NUP153: variants seen among roughly 807,000 people sequenced by gnomAD.
NUP153 encodes the protein nuclear pore complex protein Nup153.
A neutral mutation model predicts 134.6 loss-of-function variants in NUP153; 27 were observed. That is an observed-to-expected ratio of 0.20 (90% confidence interval 0.15 to 0.28). The LOEUF (loss-of-function observed/expected upper bound fraction) is 0.28, where lower values mean the gene tolerates loss of function less well. Among genes scored for constraint, NUP153 ranks in the 10% least tolerant of loss-of-function variants. NUP153 has a pLI of 1.00. For missense variants in NUP153, 1,821 were observed against 1,731.3 expected (o/e 1.05, Z -0.92); for synonymous variants, 640 against 623.5 (o/e 1.03, Z -0.40).
intron 12 of NUP153, 28 bp downstream of exon 12, chr6:17,649,135 C>A: frequency 6.4e-7 from 1 of 1,565,010 alleles, no homozygotes; most frequent in South Asian, 1.2e-5. Context: ...GAACAAATGT[C>A]ACCTGTATTT....
chr6:17,617,583 G>A lies in NUP153; in HGVS notation c.4175-888C>T, dbSNP rs981251200. ...TATCAGTGGGTGCAGTGACTCATGC[G>A]TATAATCCTAGCACTTTGGGAGGCC... On this transcript the variant is annotated intron_variant, in intron 20 of 21. Coordinates refer to ENST00000262077, the MANE Select transcript of NUP153 (RefSeq NM_005124.4). Among the ~76,000 whole-genome samples, 6 of 151,916 alleles carry A rather than the reference G, an allele frequency of 3.9e-5. No individual in the cohort carries two copies. In the South Asian group the frequency reaches 6.2e-4, roughly 16 times the overall value.
At chr6:17,634,100 T>TCATGAACC (rs1231691505) in intron 16 of NUP153, among the ~76,000 whole-genome samples, 1 of 152,064 alleles carries the variant, frequency 6.6e-6, no homozygotes, top group Non-Finnish European at 1.5e-5. Context: ...CTATTCTGGT[T>TCATGAACC]CATGAACCCC....
At chr6:17,646,295 C>T in intron 13 of NUP153, 141 bp from the exon 14 acceptor site, 1 of 452,350 alleles carries the variant, frequency 2.2e-6, no homozygotes, top group Non-Finnish European at 4.0e-6. Flanking sequence ...GCAACCTCCG[C>T]CTCCCGGGTT....
chr6:17,643,200 C>T (rs1253884593), intron 14 of NUP153, among the ~76,000 whole-genome samples: 7 of 152,202 alleles, frequency 4.6e-5, no homozygotes, highest in South Asian at 2.1e-4. Context: ...AGGCTGGACG[C>T]GGTGGCTCAC....
intron 1 of NUP153, among the ~76,000 whole-genome samples, chr6:17,691,257 T>G (rs1168663257): frequency 1.3e-5 from 2 of 152,206 alleles, no homozygotes; most frequent in East Asian, 3.9e-4. Context: ...ATCAAACACA[T>G]GAAGCCAAGT....
At chr6:17,697,190 C>T (rs1370922284) in intron 1 of NUP153, among the ~76,000 whole-genome samples, 1 of 152,114 alleles carries the variant, frequency 6.6e-6, no homozygotes, top group Non-Finnish European at 1.5e-5. Flanking sequence ...AGAATGTGAA[C>T]TGGCTAAATC....
At chr6:17,632,324 AAAAC>A (rs150960390) in intron 17 of NUP153, among the ~76,000 whole-genome samples, 30,908 of 149,620 alleles carry the variant, frequency 0.21, 3,848 homozygotes, top group Non-Finnish European at 0.28. Context: ...AACAAACAAA[AAAAC>A]AAACAAACAA....
chr6:17,622,609 T>A (rs1432277185), intron 20 of NUP153, among the ~76,000 whole-genome samples: 2 of 152,202 alleles, frequency 1.3e-5, no homozygotes, highest in Non-Finnish European at 2.9e-5. Context: ...TGTAGCCTTT[T>A]CTCAATTCTT....
At chr6:17,698,886 AAACTC>A in intron 1 of NUP153, among the ~76,000 whole-genome samples, 1 of 152,126 alleles carries the variant, frequency 6.6e-6, no homozygotes, top group East Asian at 1.9e-4. Flanking sequence ...AAAAAAAAGA[AAACTC>A]AATAAAAGCT....
At position 17,623,129 on chromosome 6, in the gene NUP153, C is replaced by CAA. The variant is rs71002235; in HGVS notation, c.4174+1430_4174+1431dup. 2.9e-3 allele frequency among the ~76,000 whole-genome samples: 210 copies of CAA among 72,998 alleles called. 1 individual carries two copies. The highest frequency in any genetic ancestry group is 0.014 in the Admixed American group (97 of 7,022). 47.9% of individuals were successfully genotyped at this position (72,998 alleles called of 152,430 possible). On this transcript the variant is annotated intron_variant, in intron 20 of 21. Coordinates refer to ENST00000262077, the MANE Select transcript of NUP153 (RefSeq NM_005124.4). ...TGGGCGACACAGTGAGATTCTGTCT[C>CAA]AAAAAAAAAAAAAAAAGACGATGAC...
chr6:17,634,195 A>G (rs980355759), intron 16 of NUP153, among the ~76,000 whole-genome samples: 1 of 152,004 alleles, frequency 6.6e-6, no homozygotes, highest in Non-Finnish European at 1.5e-5. Flanking sequence ...TTTGAAATCC[A>G]TCTTCCTCTG....
At chr6:17,681,154 G>A (rs1306330248) in intron 2 of NUP153, among the ~76,000 whole-genome samples, 1 of 151,780 alleles carries the variant, frequency 6.6e-6, no homozygotes, top group Non-Finnish European at 1.5e-5. Flanking sequence ...ATCACATTAA[G>A]TGAAATACAC....
chr6:17,619,973 C>A (rs765889878), intron 20 of NUP153, among the ~76,000 whole-genome samples: 2 of 151,894 alleles, frequency 1.3e-5, no homozygotes, highest in Non-Finnish European at 2.9e-5. Flanking sequence ...TGGCACGCGC[C>A]TGTAATCCCA....
chr6:17,669,030 T>TAA lies in NUP153; in HGVS notation c.1015-3_1015-2insTT. ...ATCTATCCCACTCCTATCAAGAGGC[T>TAA]GAAAAAAAAAAAAAACACTATTAGA... On this transcript the variant is annotated splice_polypyrimidine_tract_variant and splice_region_variant and intron_variant, in intron 7 of 21. Coordinates refer to ENST00000262077, the MANE Select transcript of NUP153 (RefSeq NM_005124.4). 3.0e-6 allele frequency: 4 copies of TAA among 1,326,432 alleles called. No individual in the cohort carries two copies. The highest frequency in any genetic ancestry group is 4.0e-6 in the Non-Finnish European group (4 of 995,384). 82.2% of individuals were successfully genotyped at this position (1,326,432 alleles called of 1,614,324 possible). A position where few individuals can be genotyped will look rare whatever the true frequency, so the allele number is the denominator to read the frequency against.
At position 17,637,272 on chromosome 6, in the gene NUP153, C is replaced by G; in HGVS notation, c.2345G>C (p.Gly782Ala). ...GAATTTATCTCCAAATCCTAAGGTA[C>G]CAGTGGTTACAGTGCAGCTGGAAGA... ...ASSSSCTVTT[G>A]TLGFGDKFKR... is the part of the protein sequence containing the mutation. Residue 782 changes from glycine (G) to alanine (A), a missense_variant, in exon 16 of 22, where the codon GGT becomes GCT. Transcript: ENST00000262077. 2 of 1,614,166 alleles carry G rather than the reference C, an allele frequency of 1.2e-6. No homozygotes were observed. Among genetic ancestry groups the G allele is most frequent in the Non-Finnish European group, 1.7e-6 (2 of 1,180,040 alleles).
At chr6:17,630,986 G>C (rs1765223925) in intron 17 of NUP153, among the ~76,000 whole-genome samples, 1 of 152,110 alleles carries the variant, frequency 6.6e-6, no homozygotes. Flanking sequence ...CCACACTACA[G>C]GTAGAGAACA....
At chr6:17,654,164 A>G (rs544806829) in intron 11 of NUP153, among the ~76,000 whole-genome samples, 3 of 152,270 alleles carry the variant, frequency 2.0e-5, no homozygotes, top group African/African-American at 7.2e-5. Context: ...GGAACAAACA[A>G]AAGATGCATC....
rs36027788 is a variant in NUP153 at position 17,632,846 on chromosome 6, T to TAAA, written c.2465-5_2465-3dup. Reference sequence around the variant, plus strand: ...TACTTGAAGCAGGTACTGAACTTCCTAAAAAAAAAAAAAAAAACGGGGAGT... The same window carrying TAAA: ...TACTTGAAGCAGGTACTGAACTTCCTAAAAAAAAAAAAAAAAAAAACGGGGAGT... On this transcript the variant is annotated splice_polypyrimidine_tract_variant and splice_region_variant and intron_variant, in intron 16 of 21. Transcript: ENST00000262077. The TAAA allele has an allele frequency of 0.031, 26,290 of 858,774 alleles. 278 individuals carry two copies. Among genetic ancestry groups the TAAA allele is most frequent in the Non-Finnish European group, 0.034 (21,592 of 643,348 alleles). 53.2% of individuals were successfully genotyped at this position (858,774 alleles called of 1,614,324 possible). A position where few individuals can be genotyped will look rare whatever the true frequency, so the allele number is the denominator to read the frequency against.
At chr6:17,670,684 T>C (rs1203512869) in intron 5 of NUP153, among the ~76,000 whole-genome samples, 1 of 152,208 alleles carries the variant, frequency 6.6e-6, no homozygotes, top group Non-Finnish European at 1.5e-5. Flanking sequence ...ATCTCAACTA[T>C]ACCTAGGTTT....
Sources: allele counts gnomAD v4.1 joint callset (sites outside exome capture counted in the v4.1 genomes callset), GRCh38; gene constraint gnomAD v4.1.1; transcripts MANE v1.5; gene names NCBI Gene and HGNC (gene_info 2026-07-23, HGNC 2026-07-21).